Variants in BRF1 observed in about 807,000 individuals in gnomAD.
BRF1 encodes transcription factor IIIB 90 kDa subunit.
Under a neutral mutation model 81.7 loss-of-function variants are expected in BRF1, and 59 were observed. The observed-to-expected ratio is 0.72, with a 90% CI of 0.59 to 0.90. The LOEUF is 0.90. Among genes scored for constraint, BRF1 ranks in the 40% least tolerant of loss-of-function variants. BRF1 has a pLI of 0.00. For missense variants in BRF1, 1,050 were observed against 936.3 expected, an observed-to-expected ratio of 1.12 and a Z score of -1.58; for synonymous variants, 491 against 395.6, an observed-to-expected ratio of 1.24 and a Z score of -2.86.
At chr14:105,252,875 A>G (rs772349642) in intron 4 of BRF1, among the ~76,000 whole-genome samples, 3 of 152,244 alleles carry the variant, frequency 2.0e-5, no homozygotes, top group Non-Finnish European at 4.4e-5. Context: ...CGGTGCACGC[A>G]GCATTTCATT....
intron 4 of BRF1, among the ~76,000 whole-genome samples, chr14:105,254,739 T>G (rs2055782893): frequency 1.3e-5 from 2 of 151,866 alleles, no homozygotes; most frequent in African/African-American, 4.8e-5. Flanking sequence ...TTTTTGTATT[T>G]TTAGTAGAGA....
upstream of BRF1, among the ~76,000 whole-genome samples, chr14:105,304,890 C>T (rs2058141510): frequency 6.6e-6 from 1 of 152,136 alleles, no homozygotes; most frequent in African/African-American, 2.4e-5. Context: ...AAAGACCTGC[C>T]CCCATGATTC....
In BRF1 at chr14:105,219,227, G is replaced by A. The variant is rs138007440; in HGVS notation, c.1383C>T (p.Ile461=). The change falls in exon 13 of 18, where the codon ATC becomes ATT. Residue 461 remains isoleucine, a synonymous_variant. Transcript: ENST00000547530. ...GIDDLEIDRY[I]LNESEARVKA... ...TCACGCGGGCTTCCGACTCATTCAG[G>A]ATGTACTGGGCGAGCACAGGGAAGT... 4.9e-4 allele frequency: 786 copies of A among 1,612,032 alleles called. 2 individuals carry two copies. The highest frequency in any genetic ancestry group is 6.3e-4 in the Non-Finnish European group (748 of 1,178,590).
intron 5 of BRF1, among the ~76,000 whole-genome samples, chr14:105,244,547 C>T (rs1051141131): frequency 1.3e-5 from 2 of 151,886 alleles, no homozygotes; most frequent in African/African-American, 4.8e-5. Flanking sequence ...GGTGGGCAAA[C>T]GCGGAGTGGC....
chr14:105,292,357 T>C (rs1283335097), intron 1 of BRF1, among the ~76,000 whole-genome samples: 2 of 152,018 alleles, frequency 1.3e-5, no homozygotes. Flanking sequence ...CTAATTTTTG[T>C]ATTTTGGGGT....
At chr14:105,250,818 T>C in intron 5 of BRF1, 1 of 867,748 alleles carries the variant, frequency 1.2e-6, no homozygotes, top group Non-Finnish European at 1.8e-6. Context: ...TAGAGACATT[T>C]TCCACACAGC....
chr14:105,215,825 GCA>G (rs1237988500), intron 15 of BRF1, among the ~76,000 whole-genome samples: 18 of 89,978 alleles, frequency 2.0e-4, no homozygotes, highest in South Asian at 3.5e-4. Flanking sequence ...ACACACACAT[GCA>G]CACACACTGC....
chr14:105,226,043 A>G, intron 10 of BRF1, 26 bp downstream of exon 10: 1 of 1,599,784 alleles, frequency 6.3e-7, no homozygotes, highest in Non-Finnish European at 8.6e-7. Context: ...AAAGGTCTGA[A>G]TAGGGGCCGG....
upstream of BRF1, among the ~76,000 whole-genome samples, chr14:105,303,136 C>G (rs1275917804): frequency 1.3e-5 from 2 of 152,198 alleles, no homozygotes; most frequent in African/African-American, 4.8e-5. Flanking sequence ...ACCATGTTGG[C>G]TAGGCTGGTC....
At chr14:105,290,067 A>G (rs2057460141) in intron 1 of BRF1, among the ~76,000 whole-genome samples, 1 of 152,264 alleles carries the variant, frequency 6.6e-6, no homozygotes, top group African/African-American at 2.4e-5. Context: ...ATTAGTGTAT[A>G]TAATGCTTTT....
chr14:105,252,261 G>C, intron 5 of BRF1: 1 of 594,374 alleles, frequency 1.7e-6, no homozygotes, highest in Non-Finnish European at 2.1e-6. Context: ...GATCACTTGA[G>C]GCCAGGAGTT....
Position 105,221,775 on chromosome 14 carries a change from T to TGCTGCTTCCGA in BRF1, c.1177_1187dup (p.Gly397ArgfsTer70). Reference sequence around the variant, plus strand: ...GTCTGCCGCCCCACTCGGGGCTTCCTGCTGCTTCCGAGCTGCCGGGGGCAC... The same window carrying TGCTGCTTCCGA: ...GTCTGCCGCCCCACTCGGGGCTTCCTGCTGCTTCCGAGCTGCTTCCGAGCTGCCGGGGGCAC... On this transcript the variant is annotated frameshift_variant, in exon 11 of 18. Transcript: ENST00000547530. LOFTEE classifies it high-confidence loss of function. 1 of 1,611,888 alleles carries TGCTGCTTCCGA rather than the reference T, an allele frequency of 6.2e-7. No homozygotes were observed. The highest frequency in any genetic ancestry group is 8.5e-7 in the Non-Finnish European group (1 of 1,179,770).
Position 105,250,100 on chromosome 14 carries a change from G to A in BRF1, c.544+2407C>T, listed in dbSNP as rs138634708. 4.2e-5 allele frequency: 68 copies of A among 1,612,858 alleles called. No individual in the cohort carries two copies. Among genetic ancestry groups the A allele is most frequent in the Admixed American group, 5.0e-5 (3 of 60,008 alleles). On this transcript the variant is annotated intron_variant, in intron 5 of 17. Coordinates refer to ENST00000547530, the MANE Select transcript of BRF1 (RefSeq NM_001519.4). ...CATGACCCTAGAGGAGTTTGCCAAC[G>A]GCGCTGCCCAGTCAGACATCCTGAC...
intron 5 of BRF1, among the ~76,000 whole-genome samples, chr14:105,244,777 A>G (rs1341937329): frequency 1.3e-5 from 2 of 152,160 alleles, no homozygotes; most frequent in South Asian, 2.1e-4. Context: ...AAGACACATC[A>G]CCATAGACTC....
intron 3 of BRF1, among the ~76,000 whole-genome samples, 165 bp from the exon 4 acceptor site, chr14:105,256,714 C>T (rs45527637): frequency 1.3e-5 from 2 of 152,152 alleles, no homozygotes; most frequent in African/African-American, 4.8e-5. Context: ...GGAAGCGAGG[C>T]GCGGCACGCT....
intron 4 of BRF1, among the ~76,000 whole-genome samples, chr14:105,255,436 G>T (rs2055821023): frequency 6.6e-6 from 1 of 152,258 alleles, no homozygotes; most frequent in Admixed American, 6.5e-5. Flanking sequence ...ACTGTGGGCT[G>T]CTGCCAAAGG....
In BRF1 at chr14:105,300,947, T is replaced by G. The variant is rs1358918019; in HGVS notation, c.-318A>C. Reference sequence around the variant, plus strand: ...CGTCGGAGGGGCGACCTGCGGGGGCTGGGCTTCGGCGGAACCCGAGCGGGG... The same window carrying G: ...CGTCGGAGGGGCGACCTGCGGGGGCGGGGCTTCGGCGGAACCCGAGCGGGG... On this transcript the variant is annotated 5_prime_UTR_variant, in exon 1 of 18. Transcript: ENST00000547530. 2 of 155,200 alleles carry G rather than the reference T, an allele frequency of 1.3e-5. No homozygotes were observed. The highest frequency in any genetic ancestry group is 1.3e-4 in the Admixed American group (2 of 15,370). The allele number at this position is 155,200 out of a possible 1,614,324, so 9.6% of individuals were successfully genotyped here.
At position 105,228,821 on chromosome 14, in the gene BRF1, T is replaced by A; in HGVS notation, c.787A>T (p.Arg263Trp). The A allele has an allele frequency of 6.2e-7, 1 of 1,613,838 alleles. No homozygotes were observed. The highest frequency in any genetic ancestry group is 8.5e-7 in the Non-Finnish European group (1 of 1,179,992). Residue 263 changes from arginine (R) to tryptophan (W), a missense_variant and splice_region_variant, in exon 7 of 18, where the codon AGG becomes TGG. Transcript: ENST00000547530. The part of the protein sequence containing the change: ...VKVCESTLRK[R>W]LTEFEDTPTS... Reference sequence around the variant, plus strand: ...ATGCCATGAATGAGAGCCCCTCACCTCTTCCGCAGCGTGGACTCACACACT... The same window carrying A: ...ATGCCATGAATGAGAGCCCCTCACCACTTCCGCAGCGTGGACTCACACACT...
chr14:105,269,042 C>A lies in BRF1; in HGVS notation c.439+3679G>T, dbSNP rs908421444. 1.3e-5 allele frequency among the ~76,000 whole-genome samples: 2 copies of A among 152,122 alleles called. No homozygotes were observed. The highest frequency in any genetic ancestry group is 2.9e-5 in the Non-Finnish European group (2 of 68,010). ...GACAGTGGCCAGAGCCAATGCAGGT[C>A]AGCAGGGAGGGAGAAGGCACAGGGG... On this transcript the variant is annotated intron_variant, in intron 3 of 17. Transcript: ENST00000547530. The surrounding 1 kb of genome is among the most constrained non-coding windows in gnomAD (Gnocchi z 5.0).
Sources: gnomAD v4.1 joint callset for allele counts (sites outside exome capture counted in the v4.1 genomes callset) on GRCh38, gnomAD v4.1.1 for gene constraint, Gnocchi (gnomAD v3.1) non-coding constraint, MANE v1.5 for transcripts, NCBI Gene and HGNC (gene_info 2026-07-23, HGNC 2026-07-21) for gene names.